Variants in MYO9A observed in about 807,000 individuals in gnomAD.
MYO9A encodes the protein myosin IXA.
A neutral mutation model predicts 293.3 loss-of-function variants in MYO9A; 103 were observed. The observed-to-expected ratio is 0.35, with a 90% confidence interval of 0.30 to 0.41. The LOEUF (loss-of-function observed/expected upper bound fraction) is 0.41. Among genes scored for constraint, MYO9A ranks in the 10% least tolerant of loss-of-function variants. MYO9A has a pLI of 1.00. For missense variants in MYO9A, 2,685 were observed against 3,033.0 expected (o/e 0.89, Z 2.69); for synonymous variants, 1,001 against 1,035.7 (o/e 0.97, Z 0.64).
intron 15 of MYO9A, among the ~76,000 whole-genome samples, chr15:71,950,963 T>G (rs181855277): frequency 6.6e-6 from 1 of 152,172 alleles, no homozygotes. Flanking sequence ...ATAATAGTAA[T>G]CTTACAACTG....
At chr15:72,080,286 CAAT>C (rs953841369) in intron 1 of MYO9A, among the ~76,000 whole-genome samples, 32 of 143,592 alleles carry the variant, frequency 2.2e-4, no homozygotes, top group Admixed American at 2.2e-3. Flanking sequence ...ACGTACCAAT[CAAT>C]AAACTAACCA....
chr15:71,943,599 A>G (rs142611580), intron 15 of MYO9A, among the ~76,000 whole-genome samples: 2 of 152,216 alleles, frequency 1.3e-5, no homozygotes, highest in Admixed American at 1.3e-4. Context: ...AAGTTTTGCT[A>G]AATGCATTCA....
Position 72,019,388 on chromosome 15 carries a change from A to G in MYO9A, c.1099-293T>C, listed in dbSNP as rs1329920094. ...ATATATTATGGTCATTAATTACAAAAAGATCTGAAAGAACAGCAAAATTCC... is the reference window on the plus strand; with the variant it reads ...ATATATTATGGTCATTAATTACAAAGAGATCTGAAAGAACAGCAAAATTCC... On this transcript the variant is annotated intron_variant, in intron 5 of 41. Transcript: ENST00000356056. Among the ~76,000 whole-genome samples, 3 of 152,220 alleles carry G rather than the reference A, an allele frequency of 2.0e-5. No homozygotes were observed. In the East Asian group the frequency reaches 5.8e-4, roughly 29 times the overall value.
intron 27 of MYO9A, among the ~76,000 whole-genome samples, chr15:71,887,369 A>G (rs2057051251): frequency 1.3e-5 from 2 of 152,166 alleles, no homozygotes; most frequent in South Asian, 4.1e-4. Flanking sequence ...AAGTAGATGC[A>G]GAAAAGCTCT....
chr15:71,932,055 T>C (rs1226308023), intron 18 of MYO9A, among the ~76,000 whole-genome samples: 1 of 152,118 alleles, frequency 6.6e-6, no homozygotes, highest in African/African-American at 2.4e-5. Flanking sequence ...TCCAGGAAAT[T>C]AGGATGTGCC....
chr15:72,007,692 G>T, intron 8 of MYO9A, 134 bp downstream of exon 8: 1 of 773,900 alleles, frequency 1.3e-6, no homozygotes, highest in Non-Finnish European at 1.9e-6. Context: ...TTTTGGAAAT[G>T]CTATTTAAAA....
chr15:72,046,698 A>G, intron 1 of MYO9A, 64 bp from the exon 2 acceptor site: 2 of 1,118,542 alleles, frequency 1.8e-6, no homozygotes, highest in Non-Finnish European at 2.5e-6. Flanking sequence ...TGCTCAAGAA[A>G]GAAAAGCTTA....
chr15:72,027,410 T>A (rs770461735), intron 4 of MYO9A, among the ~76,000 whole-genome samples: 1 of 152,062 alleles, frequency 6.6e-6, no homozygotes, highest in African/African-American at 2.4e-5. Context: ...TTATTGAAAA[T>A]TTTTTTTCTC....
intron 12 of MYO9A, among the ~76,000 whole-genome samples, chr15:71,977,697 T>C (rs1458184704): frequency 2.0e-5 from 3 of 151,762 alleles, no homozygotes; most frequent in Non-Finnish European, 2.9e-5. Flanking sequence ...AAAAAATGAA[T>C]TCAAGTAATG....
chr15:71,904,584 C>T (rs936074890), intron 20 of MYO9A, among the ~76,000 whole-genome samples: 1 of 152,132 alleles, frequency 6.6e-6, no homozygotes, highest in Non-Finnish European at 1.5e-5. Flanking sequence ...AACCAGGAGG[C>T]GGAGATTACA....
At chr15:72,097,078 A>C (rs2080087729) in intron 1 of MYO9A, among the ~76,000 whole-genome samples, 1 of 152,252 alleles carries the variant, frequency 6.6e-6, no homozygotes, top group South Asian at 2.1e-4. Context: ...TATGTATAAT[A>C]TTACATCAAC....
chr15:71,891,132 C>T (rs2057164291), intron 26 of MYO9A: 1 of 152,236 alleles, frequency 6.6e-6, no homozygotes, highest in Non-Finnish European at 1.5e-5. Flanking sequence ...CATGCAGTGT[C>T]CACCAGAAAC....
Position 72,094,082 on chromosome 15 carries a change from T to C in MYO9A, c.-72+23598A>G, listed in dbSNP as rs1431773190. ...TAAGAAAGCCAGACACGGTGGCTCG[T>C]AGCTATAATCCCAGGAACTTGAGAG... On this transcript the variant is annotated intron_variant, in intron 1 of 41. Coordinates refer to ENST00000356056, the MANE Select transcript of MYO9A (RefSeq NM_006901.4). Among the ~76,000 whole-genome samples the C allele has an allele frequency of 1.3e-4, 12 of 89,526 alleles. 5 individuals are homozygous for C. The highest frequency in any genetic ancestry group is 4.1e-4 in the Non-Finnish European group (12 of 29,522). The allele number at this position is 89,526 out of a possible 152,430, so 58.7% of individuals were successfully genotyped here. A position where few individuals can be genotyped will look rare whatever the true frequency, so the allele number is the denominator to read the frequency against.
intron 18 of MYO9A, among the ~76,000 whole-genome samples, chr15:71,926,810 T>C (rs958076482): frequency 1.3e-5 from 2 of 152,222 alleles, no homozygotes; most frequent in African/African-American, 4.8e-5. Flanking sequence ...CCAGACAGCC[T>C]GGCCCTCAGA....
chr15:72,117,404 G>A (rs1020599927), intron 1 of MYO9A, among the ~76,000 whole-genome samples: 4 of 152,206 alleles, frequency 2.6e-5, no homozygotes, highest in Non-Finnish European at 5.9e-5. Flanking sequence ...GGGACTCTGA[G>A]GGGTACTAAT....
intron 4 of MYO9A, among the ~76,000 whole-genome samples, chr15:72,024,883 A>G (rs1216824972): frequency 6.6e-6 from 1 of 152,194 alleles, no homozygotes; most frequent in Non-Finnish European, 1.5e-5. Context: ...CATTTATTTA[A>G]TGCAAAAGAA....
rs2080035124 is a variant in MYO9A, at chr15:72,095,402, G to C, written c.-72+22278C>G. 2.2e-5 allele frequency among the ~76,000 whole-genome samples: 2 copies of C among 92,784 alleles called. 1 individual carries two copies. Among genetic ancestry groups the C allele is most frequent in the African/African-American group, 5.1e-5 (2 of 39,104 alleles). The allele number at this position is 92,784 out of a possible 152,430, so 60.9% of individuals were successfully genotyped here. A position where few individuals can be genotyped will look rare whatever the true frequency, so the allele number is the denominator to read the frequency against. On this transcript the variant is annotated intron_variant, in intron 1 of 41. Transcript: ENST00000356056. ...ACCTCTCTTCACTTCTATGAAGGCT[G>C]AGAGAGGTGAGAAAGTTATAGAAGA...
At position 71,978,191 on chromosome 15, in the gene MYO9A, AT is replaced by A. The variant is rs1443727580; in HGVS notation, c.1823del (p.His608LeufsTer18). ...CTCACTTGCTTTCTTCATCCAAAAG[AT>A]GAAGCAGTCCTGTTGGTTTTTTGCT... Reference protein sequence around the residue: ...LISKKPTGLLHLLDEESNFPQ... With the variant: ...LISKKPTGLLXLLDEESNFPQ... On this transcript the variant is annotated frameshift_variant, in exon 12 of 42. Transcript: ENST00000356056. LOFTEE classifies it high-confidence loss of function. The A allele has an allele frequency of 6.2e-7, 1 of 1,612,266 alleles. No individual in the cohort carries two copies. Among genetic ancestry groups the A allele is most frequent in the Non-Finnish European group, 8.5e-7 (1 of 1,179,502 alleles).
chr15:71,865,875 T>C (rs1318868324), intron 32 of MYO9A, among the ~76,000 whole-genome samples: 2 of 152,236 alleles, frequency 1.3e-5, no homozygotes, highest in African/African-American at 2.4e-5. Flanking sequence ...ATTGTACAAG[T>C]AATTTCTTGA....
Sources: allele counts gnomAD v4.1 joint callset (sites outside exome capture counted in the v4.1 genomes callset), GRCh38; gene constraint gnomAD v4.1.1; transcripts MANE v1.5; gene names NCBI Gene and HGNC (gene_info 2026-07-23, HGNC 2026-07-21).